Variants in MYT1L observed in about 807,000 individuals in gnomAD.
MYT1L encodes the protein myelin transcription factor 1-like protein.
In MYT1L, 12 loss-of-function variants were observed where a neutral mutation model predicts 126.7. The observed-to-expected ratio is 0.09, with a 90% confidence interval of 0.06 to 0.15. The LOEUF is 0.15. Among genes scored for constraint, MYT1L ranks in the 10% least tolerant of loss-of-function variants. The pLI, the probability that MYT1L is intolerant of heterozygous loss-of-function variation, is 1.00. For synonymous variants in MYT1L, 541 were observed against 604.2 expected, an observed-to-expected ratio of 0.90 and a Z score of 1.53; for missense variants, 979 against 1,585.2, an observed-to-expected ratio of 0.62 and a Z score of 6.49.
chr2:2,207,702 C>A (rs1184792478), intron 2 of MYT1L, among the ~76,000 whole-genome samples: 1 of 152,168 alleles, frequency 6.6e-6, no homozygotes, highest in Non-Finnish European at 1.5e-5. Flanking sequence ...CTCTCAGGAT[C>A]TGATGCAGGC....
At chr2:2,203,804 T>A (rs568935624) in intron 2 of MYT1L, among the ~76,000 whole-genome samples, 4 of 152,186 alleles carry the variant, frequency 2.6e-5, no homozygotes, top group South Asian at 4.2e-4. Context: ...CATTGCCAAG[T>A]CAATCCTAAG....
At position 1,862,756 on chromosome 2, in the gene MYT1L, C is replaced by T. The variant is rs1203025142; in HGVS notation, c.2712-11053G>A. 8.5e-5 allele frequency among the ~76,000 whole-genome samples: 13 copies of T among 152,288 alleles called. No homozygotes were observed. In the South Asian group the frequency reaches 1.5e-3, roughly 17 times the overall value. On this transcript the variant is annotated intron_variant, in intron 18 of 24. Transcript: ENST00000647738. ...GAGAGGTTGGAGCACCTGCTGCAAACGCTGCAGGGATGTGGCCGTCTCATA... is the reference window on the plus strand; with the variant it reads ...GAGAGGTTGGAGCACCTGCTGCAAATGCTGCAGGGATGTGGCCGTCTCATA...
chr2:1,791,445 T>C lies in MYT1L; in HGVS notation c.*422A>G. ...AAAAAGCGGCTGCTCAGCCACAACA[T>C]GATCATTCAAAGCTGTGGGTCTGTG... is the stretch of plus-strand genomic sequence containing the variant. On this transcript the variant is annotated 3_prime_UTR_variant, in exon 25 of 25. Coordinates refer to ENST00000647738, the MANE Select transcript of MYT1L (RefSeq NM_001303052.2). The surrounding 1 kb of genome is among the most constrained non-coding windows in gnomAD (Gnocchi z 6.0). 2.7e-6 allele frequency: 1 copy of C among 366,096 alleles called. No homozygotes were observed. The highest frequency in any genetic ancestry group is 2.1e-5 in the South Asian group (1 of 46,660). The allele number at this position is 366,096 out of a possible 1,614,324, so 22.7% of individuals were successfully genotyped here.
chr2:2,140,825 T>C (rs2083866658), intron 3 of MYT1L, among the ~76,000 whole-genome samples: 1 of 152,216 alleles, frequency 6.6e-6, no homozygotes. Flanking sequence ...TGCCTCAGCC[T>C]CCCAAAGTGT....
intron 2 of MYT1L, among the ~76,000 whole-genome samples, chr2:2,253,693 G>A (rs892611698): frequency 4.6e-5 from 7 of 152,030 alleles, no homozygotes; most frequent in Non-Finnish European, 1.0e-4. Flanking sequence ...CAGGGCAGGA[G>A]AGCAAGTCGG....
chr2:2,039,073 C>A (rs1273567646), intron 4 of MYT1L, among the ~76,000 whole-genome samples: 3 of 152,198 alleles, frequency 2.0e-5, no homozygotes, highest in Non-Finnish European at 4.4e-5. Context: ...TGGAACAGCA[C>A]TGGCACATGG....
At chr2:2,151,929 G>A (rs1200196131) in intron 3 of MYT1L, among the ~76,000 whole-genome samples, 1 of 152,124 alleles carries the variant, frequency 6.6e-6, no homozygotes, top group Non-Finnish European at 1.5e-5. Flanking sequence ...GGTGGCAGGT[G>A]CCTGTAATCC....
rs1266744068 is a variant in MYT1L at position 1,887,687 on chromosome 2, G to A, written c.2521-78C>T. 7.6e-6 allele frequency: 12 copies of A among 1,582,044 alleles called. No homozygotes were observed. The highest frequency in any genetic ancestry group is 1.0e-5 in the Non-Finnish European group (12 of 1,154,518). On this transcript the variant is annotated intron_variant, in intron 16 of 24. Transcript: ENST00000647738. The surrounding 1 kb of genome is among the most constrained non-coding windows in gnomAD (Gnocchi z 4.8). The stretch of plus-strand genomic sequence containing the variant: ...ACTGAGGGAGGTGGTTCGTGGCTCT[G>A]GGGTGGCCTCTACATCTTACACCTC...
At chr2:2,237,065 C>T (rs1444370427) in intron 2 of MYT1L, among the ~76,000 whole-genome samples, 1 of 152,140 alleles carries the variant, frequency 6.6e-6, no homozygotes, top group East Asian at 1.9e-4. Context: ...CCATTCATCT[C>T]AGCCTCCCAA....
intron 4 of MYT1L, among the ~76,000 whole-genome samples, chr2:2,042,678 G>A (rs2067682514): frequency 6.6e-6 from 1 of 152,118 alleles, no homozygotes; most frequent in Admixed American, 6.5e-5. Flanking sequence ...TGCACCAATG[G>A]TCCCGGCCTC....
chr2:2,138,578 G>C (rs574721475), intron 3 of MYT1L, among the ~76,000 whole-genome samples: 1,925 of 142,762 alleles, frequency 0.013, 31 homozygotes, highest in African/African-American at 0.048. Flanking sequence ...ATCATTCTCA[G>C]TAAACTATCG....
rs1193519154 is a variant in MYT1L, at chr2:1,929,419, AG to A, written c.506-6157del. ...AGCCCTGCAGTTCAACGCAGGTGAA[AG>A]GGGAACATGGAGGGTGACGCGGCAT... is the stretch of plus-strand genomic sequence containing the variant. On this transcript the variant is annotated intron_variant, in intron 9 of 24. Coordinates refer to ENST00000647738, the MANE Select transcript of MYT1L (RefSeq NM_001303052.2). This position sits in a 1 kb window ranked among gnomAD's most constrained non-coding sequence, Gnocchi z 4.7. Among the ~76,000 whole-genome samples the A allele has an allele frequency of 6.6e-6, 1 of 152,132 alleles. No individual in the cohort carries two copies. Among genetic ancestry groups the A allele is most frequent in the Non-Finnish European group, 1.5e-5 (1 of 68,024 alleles).
chr2:2,259,700 G>T (rs1170126888), intron 2 of MYT1L, among the ~76,000 whole-genome samples: 1 of 152,094 alleles, frequency 6.6e-6, no homozygotes, highest in Admixed American at 6.5e-5. Flanking sequence ...ATCCATTCCA[G>T]GGAGTGCTAA....
rs930017945 is a variant in MYT1L at position 1,912,778 on chromosome 2, CT to C, written c.1619-669del. On this transcript the variant is annotated intron_variant, in intron 11 of 24. Transcript: ENST00000647738. This position sits in a 1 kb window ranked among gnomAD's most constrained non-coding sequence, Gnocchi z 4.3. The stretch of plus-strand genomic sequence containing the variant: ...CGGGAGAGGCCTCTTGCATGGACAC[CT>C]TTTGTGGTGCAAGGATGCTACTGGC... Among the ~76,000 whole-genome samples, 3 of 152,094 alleles carry C rather than the reference CT, an allele frequency of 2.0e-5. No homozygotes were observed. The highest frequency in any genetic ancestry group is 4.8e-5 in the African/African-American group (2 of 41,378).
intron 1 of MYT1L, among the ~76,000 whole-genome samples, chr2:2,323,509 A>G (rs528977193): frequency 6.6e-6 from 1 of 152,348 alleles, no homozygotes; most frequent in Non-Finnish European, 1.5e-5. Flanking sequence ...AACAGGATAG[A>G]ACTATTTATC....
chr2:1,856,246 G>A (rs974327578), intron 18 of MYT1L, among the ~76,000 whole-genome samples: 6 of 152,106 alleles, frequency 3.9e-5, no homozygotes, highest in East Asian at 3.9e-4. Context: ...GGAACCCTTG[G>A]ACTTGACCCC....
Position 2,292,700 on chromosome 2 carries a change from G to A in MYT1L, c.-520-8197C>T, listed in dbSNP as rs531735413. Among the ~76,000 whole-genome samples, 4 of 152,268 alleles carry A rather than the reference G, an allele frequency of 2.6e-5. No homozygotes were observed. In the South Asian group the frequency reaches 8.3e-4, roughly 32 times the overall value. ...GTGCTCAAGTCACACAGAGAGCAAA[G>A]TTTGTATTTGTAAATTTAAAAAAGA... On this transcript the variant is annotated intron_variant, in intron 1 of 24. Coordinates refer to ENST00000647738, the MANE Select transcript of MYT1L (RefSeq NM_001303052.2).
chr2:1,838,189 C>T (rs1313059748), intron 21 of MYT1L, among the ~76,000 whole-genome samples: 2 of 152,148 alleles, frequency 1.3e-5, no homozygotes, highest in Non-Finnish European at 2.9e-5. Context: ...GCTGGGATTA[C>T]AGGTGTGAGC....
chr2:1,871,198 A>C (rs1046150612), intron 18 of MYT1L, among the ~76,000 whole-genome samples: 2 of 152,258 alleles, frequency 1.3e-5, no homozygotes, highest in Admixed American at 1.3e-4. Flanking sequence ...GTGACTTTAC[A>C]TGTCTAAAGT....
Sources: gnomAD v4.1 joint callset for allele counts (sites outside exome capture counted in the v4.1 genomes callset) on GRCh38, gnomAD v4.1.1 for gene constraint, Gnocchi (gnomAD v3.1) non-coding constraint, MANE v1.5 for transcripts, NCBI Gene and HGNC (gene_info 2026-07-23, HGNC 2026-07-21) for gene names.